The following NEBL variants were observed in gnomAD, a reference collection of about 807,000 sequenced individuals.
The protein encoded by NEBL is LIM and SH3 protein 2.
Under a neutral mutation model 140.2 loss-of-function variants are expected in NEBL, and 122 were observed. That is an observed-to-expected ratio of 0.87 (90% confidence interval 0.75 to 1.01). The LOEUF (loss-of-function observed/expected upper bound fraction) is 1.01. NEBL is among the 50% of genes least tolerant of loss of function. The pLI is 0.00. For synonymous variants in NEBL, 436 were observed against 398.9 expected, an observed-to-expected ratio of 1.09 and a Z score of -1.11; for missense variants, 1,365 against 1,231.3, an observed-to-expected ratio of 1.11 and a Z score of -1.62.
chr10:20,929,515 G>A (rs1834076418), intron 4 of NEBL, among the ~76,000 whole-genome samples: 2 of 152,090 alleles, frequency 1.3e-5, no homozygotes, highest in African/African-American at 4.8e-5. Context: ...CATCACAGAT[G>A]CAGACAGATG....
At chr10:20,808,268 C>T (rs1256695700) in intron 26 of NEBL, among the ~76,000 whole-genome samples, 1 of 150,916 alleles carries the variant, frequency 6.6e-6, no homozygotes, top group Non-Finnish European at 1.5e-5. Flanking sequence ...TTTGTCATTA[C>T]AAATCCATTG....
chr10:21,290,548 AC>A (rs1843128299), intron 1 of NEBL, among the ~76,000 whole-genome samples: 2 of 152,140 alleles, frequency 1.3e-5, no homozygotes, highest in African/African-American at 4.8e-5. Context: ...AAAATTAACC[AC>A]CAGAGGAGAG....
chr10:20,922,749 C>G (rs1487986266), intron 4 of NEBL, among the ~76,000 whole-genome samples: 1 of 152,144 alleles, frequency 6.6e-6, no homozygotes, highest in Admixed American at 6.5e-5. Flanking sequence ...AAGGAACATT[C>G]TGAGCACTCG....
At chr10:21,047,446 G>T (rs1834572136) in intron 2 of NEBL, among the ~76,000 whole-genome samples, 1 of 151,838 alleles carries the variant, frequency 6.6e-6, no homozygotes, top group Non-Finnish European at 1.5e-5. Context: ...TTCTATAGAA[G>T]AATCTATTAA....
At chr10:21,135,672 G>A (rs1405005090) in intron 2 of NEBL, among the ~76,000 whole-genome samples, 1 of 152,190 alleles carries the variant, frequency 6.6e-6, no homozygotes, top group African/African-American at 2.4e-5. Context: ...GGACATCATG[G>A]CACAGCCTTT....
At chr10:21,223,147 C>G (rs1190254010) in intron 3 of NEBL, among the ~76,000 whole-genome samples, 3 of 152,210 alleles carry the variant, frequency 2.0e-5, no homozygotes, top group Non-Finnish European at 4.4e-5. Context: ...CTTATTCATT[C>G]TATCCAACTA....
chr10:21,069,964 G>T (rs751978686), intron 2 of NEBL: 1 of 456,066 alleles, frequency 2.2e-6, no homozygotes, highest in South Asian at 1.5e-5. Flanking sequence ...AGCGGCTTAG[G>T]GACTGCGCCC....
intron 4 of NEBL, among the ~76,000 whole-genome samples, chr10:20,920,446 G>T (rs1833527261): frequency 6.6e-6 from 1 of 152,210 alleles, no homozygotes; most frequent in African/African-American, 2.4e-5. Context: ...GCGACACACT[G>T]GAGCTGTCAA....
chr10:20,994,423 G>C (rs531874050), intron 3 of NEBL, among the ~76,000 whole-genome samples: 1 of 152,276 alleles, frequency 6.6e-6, no homozygotes, highest in African/African-American at 2.4e-5. Flanking sequence ...ATTAATTCAA[G>C]CCTCAAAAAT....
intron 17 of NEBL, among the ~76,000 whole-genome samples, chr10:20,827,321 C>T (rs753428721): frequency 6.6e-6 from 1 of 152,198 alleles, no homozygotes; most frequent in Non-Finnish European, 1.5e-5. Flanking sequence ...AATCACACAG[C>T]CTCTTTTCCT....
At chr10:21,019,852 G>C (rs1048728519) in intron 3 of NEBL, among the ~76,000 whole-genome samples, 3 of 152,198 alleles carry the variant, frequency 2.0e-5, no homozygotes, top group Non-Finnish European at 2.9e-5. Context: ...AGTCAAGATT[G>C]TTGGGAAACA....
intron 3 of NEBL, among the ~76,000 whole-genome samples, chr10:21,209,055 C>A (rs1021214943): frequency 6.6e-6 from 1 of 152,156 alleles, no homozygotes. Context: ...TCCGGCTTCT[C>A]CTCCCTTCTT....
chr10:21,028,943 A>G (rs1833657111), intron 2 of NEBL: 2 of 528,990 alleles, frequency 3.8e-6, no homozygotes, highest in Non-Finnish European at 6.7e-6. Context: ...AAATAGCTAT[A>G]CTAATATGAG....
intron 4 of NEBL, among the ~76,000 whole-genome samples, chr10:20,941,106 T>A (rs556651476): frequency 6.1e-4 from 93 of 152,270 alleles, no homozygotes; most frequent in African/African-American, 1.9e-3. Context: ...ATCATCCTGA[T>A]ACCAAAGCCT....
intron 3 of NEBL, among the ~76,000 whole-genome samples, chr10:20,991,243 C>T (rs780647484): frequency 6.6e-6 from 1 of 151,606 alleles, no homozygotes; most frequent in East Asian, 1.9e-4. Context: ...TTTTACAGTA[C>T]ATTTATAACT....
intron 19 of NEBL, among the ~76,000 whole-genome samples, chr10:20,822,051 G>A (rs1280342440): frequency 1.3e-5 from 2 of 152,096 alleles, no homozygotes; most frequent in Non-Finnish European, 2.9e-5. Context: ...CTTTGCAAGA[G>A]GCATTATTAC....
intron 2 of NEBL, among the ~76,000 whole-genome samples, chr10:21,130,327 C>A (rs1453918153): frequency 6.6e-6 from 1 of 152,054 alleles, no homozygotes; most frequent in Non-Finnish European, 1.5e-5. Flanking sequence ...ACCCCTCTAT[C>A]AGTACCAGAC....
At chr10:21,279,694 G>C (rs897853104) in intron 1 of NEBL, among the ~76,000 whole-genome samples, 2 of 151,678 alleles carry the variant, frequency 1.3e-5, no homozygotes, top group Non-Finnish European at 2.9e-5. Flanking sequence ...GGAGGCAGAG[G>C]CTGCAGTGAG....
chr10:21,122,139 C>A (rs1251201562), intron 2 of NEBL, among the ~76,000 whole-genome samples: 5 of 152,162 alleles, frequency 3.3e-5, no homozygotes, highest in African/African-American at 1.2e-4. Flanking sequence ...AATTATCCTG[C>A]CTCAGCCTGC....
Sources: allele counts gnomAD v4.1 joint callset (sites outside exome capture counted in the v4.1 genomes callset), GRCh38; gene constraint gnomAD v4.1.1; transcripts MANE v1.5; gene names NCBI Gene and HGNC (gene_info 2026-07-23, HGNC 2026-07-21).